Variants in TPD52 observed in about 807,000 individuals in gnomAD.
TPD52 encodes prostate and colon associated protein.
Under a neutral mutation model 31.3 loss-of-function variants are expected in TPD52, and 17 were observed. That is an observed-to-expected ratio of 0.54 (90% CI 0.37 to 0.82). TPD52 has a LOEUF of 0.82. Among genes scored for constraint, TPD52 ranks in the 40% least tolerant of loss-of-function variants. The pLI is 0.00. For synonymous variants in TPD52, 83 were observed against 89.6 expected (o/e 0.93, Z 0.42); for missense variants, 212 against 240.1 (o/e 0.88, Z 0.77).
At chr8:80,115,717 C>G (rs757518136) in intron 1 of TPD52, among the ~76,000 whole-genome samples, 24 of 152,216 alleles carry the variant, frequency 1.6e-4, no homozygotes, top group Non-Finnish European at 3.2e-4. Flanking sequence ...AAATCCATCA[C>G]TTGTTTCTTG....
chr8:80,132,969 A>G (rs1431430509), intron 1 of TPD52, among the ~76,000 whole-genome samples: 1 of 152,170 alleles, frequency 6.6e-6, no homozygotes, highest in Non-Finnish European at 1.5e-5. Context: ...CATACTTGCT[A>G]GTTCTCTATC....
Position 80,075,018 on chromosome 8 carries a change from T to A in TPD52, c.20-10425A>T, listed in dbSNP as rs967088399. Among the ~76,000 whole-genome samples, 28 of 152,160 alleles carry A rather than the reference T, an allele frequency of 1.8e-4. 1 individual carries two copies. The highest frequency in any genetic ancestry group is 1.8e-3 in the Admixed American group (28 of 15,282). ...TTTTTTGAGATGGAGTCTTGGTCTGTCACCAGGCTGGAGTGCAGTGGCGCG... is the reference window on the plus strand; with the variant it reads ...TTTTTTGAGATGGAGTCTTGGTCTGACACCAGGCTGGAGTGCAGTGGCGCG... On this transcript the variant is annotated intron_variant, in intron 1 of 7. Transcript: ENST00000518937.
At position 80,136,152 on chromosome 8, in the gene TPD52, TA is replaced by T. The variant is rs200767546; in HGVS notation, c.19+35272del. Among the ~76,000 whole-genome samples the T allele has an allele frequency of 5.5e-3, 748 of 135,788 alleles. 5 individuals carry two copies. The highest frequency in any genetic ancestry group is 8.1e-3 in the Non-Finnish European group (510 of 62,884). 89.1% of individuals were successfully genotyped at this position (135,788 alleles called of 152,430 possible). On this transcript the variant is annotated intron_variant, in intron 1 of 7. Transcript: ENST00000518937. Reference sequence around the variant, plus strand: ...TATAATAAAAAATAAATTAATTAATTAAAAAAAAAAATTTCAGTCTTTGAGG... The same window carrying T: ...TATAATAAAAAATAAATTAATTAATTAAAAAAAAAATTTCAGTCTTTGAGG...
intron 1 of TPD52, among the ~76,000 whole-genome samples, chr8:80,146,869 A>G (rs1563660417): frequency 6.6e-6 from 1 of 152,358 alleles, no homozygotes; most frequent in East Asian, 1.9e-4. Context: ...ATTTTCTAAA[A>G]GGCACACACA....
chr8:80,118,333 TA>T (rs1808018974), intron 1 of TPD52, among the ~76,000 whole-genome samples: 1 of 152,152 alleles, frequency 6.6e-6, no homozygotes, highest in African/African-American at 2.4e-5. Context: ...GTTTAAACTA[TA>T]AAACTCTTAG....
At chr8:80,048,616 C>T (rs1299613093) in intron 5 of TPD52, among the ~76,000 whole-genome samples, 2 of 152,226 alleles carry the variant, frequency 1.3e-5, no homozygotes, top group African/African-American at 4.8e-5. Context: ...CAATATTTGC[C>T]TCTGTGACTC....
intron 1 of TPD52, among the ~76,000 whole-genome samples, chr8:80,091,422 T>C (rs1324452001): frequency 6.8e-6 from 1 of 147,044 alleles, no homozygotes; most frequent in Non-Finnish European, 1.5e-5. Context: ...TGAGCCGAGA[T>C]CGCGCCACTG....
At chr8:80,068,581 C>T (rs564587505) in intron 1 of TPD52, among the ~76,000 whole-genome samples, 1 of 152,350 alleles carries the variant, frequency 6.6e-6, no homozygotes, top group African/African-American at 2.4e-5. Context: ...AACAGATTGT[C>T]AGCCTGTCTT....
intron 5 of TPD52, among the ~76,000 whole-genome samples, chr8:80,049,522 T>C (rs1173411274): frequency 6.6e-6 from 1 of 152,186 alleles, no homozygotes; most frequent in African/African-American, 2.4e-5. Context: ...ATAGGAGCTT[T>C]AAGTACCTGT....
intron 1 of TPD52, among the ~76,000 whole-genome samples, chr8:80,161,520 G>C (rs556594557): frequency 6.6e-6 from 1 of 152,184 alleles, no homozygotes; most frequent in South Asian, 2.1e-4. Flanking sequence ...TCCTATTCTA[G>C]TGACACTATT....
chr8:80,073,667 A>T (rs2130777021), intron 1 of TPD52, among the ~76,000 whole-genome samples: 1 of 152,362 alleles, frequency 6.6e-6, no homozygotes, highest in Non-Finnish European at 1.5e-5. Flanking sequence ...CAGTCAAGTT[A>T]GAAGGAAAGA....
intron 6 of TPD52, among the ~76,000 whole-genome samples, chr8:80,043,593 C>A (rs1810573274): frequency 6.6e-6 from 1 of 152,126 alleles, no homozygotes; most frequent in Non-Finnish European, 1.5e-5. Context: ...GGATCAGAGG[C>A]TCTAGAGGTG....
downstream of TPD52, chr8:80,032,689 G>A (rs1809723299): frequency 6.6e-6 from 1 of 152,268 alleles, no homozygotes. Context: ...AGTGTAAGAT[G>A]CCTGGGCACT....
intron 1 of TPD52, among the ~76,000 whole-genome samples, chr8:80,101,448 C>CAAAAAAAAA (rs113660828): frequency 1.2e-4 from 14 of 114,714 alleles, no homozygotes; most frequent in African/African-American, 2.9e-4. Flanking sequence ...ACTCCCAGCT[C>CAAAAAAAAA]AAAAAAAAAA....
chr8:80,041,140 CAG>C (rs1379148849), intron 7 of TPD52, among the ~76,000 whole-genome samples: 1 of 152,086 alleles, frequency 6.6e-6, no homozygotes, highest in African/African-American at 2.4e-5. Context: ...AGGCGCCTGT[CAG>C]GGGGTGGGAT....
At chr8:80,152,174 GC>G (rs35354946) in intron 1 of TPD52, among the ~76,000 whole-genome samples, 79,038 of 151,772 alleles carry the variant, frequency 0.52, 21,288 homozygotes, top group East Asian at 0.78. Context: ...TGCCTTTCAT[GC>G]CCCCCCGACC....
At chr8:80,166,622 G>A (rs1297290704) in intron 1 of TPD52, among the ~76,000 whole-genome samples, 3 of 151,830 alleles carry the variant, frequency 2.0e-5, no homozygotes, top group Non-Finnish European at 4.4e-5. Flanking sequence ...GTGATTTGTT[G>A]GCCGGGCACA....
At chr8:80,170,765 C>T (rs1812024704) in intron 1 of TPD52, among the ~76,000 whole-genome samples, 1 of 152,160 alleles carries the variant, frequency 6.6e-6, no homozygotes, top group South Asian at 2.1e-4. Context: ...TTCACTTGAG[C>T]TGTTTTCAGA....
intron 1 of TPD52, among the ~76,000 whole-genome samples, chr8:80,076,816 C>T (rs554647557): frequency 9.2e-5 from 14 of 152,214 alleles, no homozygotes; most frequent in South Asian, 4.1e-4. Flanking sequence ...GGACCACAGA[C>T]GTGTGCCACC....
Sources: allele counts gnomAD v4.1 joint callset (sites outside exome capture counted in the v4.1 genomes callset), GRCh38; gene constraint gnomAD v4.1.1; transcripts MANE v1.5; gene names NCBI Gene and HGNC (gene_info 2026-07-23, HGNC 2026-07-21).